ZFP62: variants seen among roughly 807,000 people sequenced by gnomAD.
ZFP62 encodes ZFP62 zinc finger protein.
Under a neutral mutation model 56.4 loss-of-function variants are expected in ZFP62, and 44 were observed. The ratio of observed to expected loss-of-function variants is 0.78; its 90% CI spans 0.61 to 1.00. The LOEUF is 1.00. Ranked by LOEUF, ZFP62 falls within the 50% of genes least tolerant of loss-of-function variation. The pLI, the probability that ZFP62 is intolerant of heterozygous loss-of-function variation, is 0.00. For missense variants in ZFP62, 1,030 were observed against 1,085.7 expected (o/e 0.95, Z 0.72); for synonymous variants, 421 against 388.9 (o/e 1.08, Z -0.97).
chr5:180,839,463 C>G, the ZFP62 span, among the ~76,000 whole-genome samples: 4 of 152,170 alleles, frequency 2.6e-5, no homozygotes, highest in Admixed American at 2.6e-4. Context: ...TTTGCAGCAA[C>G]ATGAGTGGAG....
At chr5:180,857,508 TG>T (rs1268539947) in intron 1 of ZFP62, among the ~76,000 whole-genome samples, 2 of 152,192 alleles carry the variant, frequency 1.3e-5, no homozygotes, top group Admixed American at 6.5e-5. Flanking sequence ...TTTTTTTTGT[TG>T]TTTTTTTGAG....
intron 1 of ZFP62, among the ~76,000 whole-genome samples, chr5:180,858,848 T>C (rs1380929103): frequency 1.3e-5 from 2 of 152,192 alleles, no homozygotes; most frequent in Non-Finnish European, 2.9e-5. Context: ...GGACAAGCCC[T>C]TTCTAACCAG....
Position 180,849,617 on chromosome 5 carries a change from A to G in ZFP62, c.1878T>C (p.Phe626=), listed in dbSNP as rs1447740354. 3.9e-6 allele frequency: 6 copies of G among 1,551,730 alleles called. No homozygotes were observed. Among genetic ancestry groups the G allele is most frequent in the Non-Finnish European group, 5.2e-6 (6 of 1,146,992 alleles). ...GCTGAGAAAGGAGCGATGTGTAATT[A>G]AAAGATTTCTCACACACATCACATT... ...PYKCDVCEKS[F]NYTSLLSQHR... Residue 626 remains phenylalanine (F), a synonymous_variant, in exon 2 of 2, where the codon TTT becomes TTC. Transcript: ENST00000502412.
At chr5:180,833,478 C>CAAAAA in the ZFP62 span, among the ~76,000 whole-genome samples, 10 of 76,742 alleles carry the variant, frequency 1.3e-4, no homozygotes, top group African/African-American at 4.0e-4. Context: ...AACTCTGTCT[C>CAAAAA]AAAAAAAAAA....
Position 180,849,392 on chromosome 5 carries a change from A to G in ZFP62, c.2103T>C (p.His701=). 1 of 1,551,164 alleles carries G rather than the reference A, an allele frequency of 6.4e-7. No homozygotes were observed. Among genetic ancestry groups the G allele is most frequent in the Non-Finnish European group, 8.7e-7 (1 of 1,146,622 alleles). The change falls in exon 2 of 2, where the codon CAT becomes CAC. Residue 701 remains histidine, a synonymous_variant. Transcript: ENST00000502412. ...HKSTHPGRTP[H]TCDECGKAFF... ...AAGCTTTTCCACATTCATCACATGTATGGGGTGTCCTGCCAGGGTGGGTAC... is the reference window on the plus strand; with the variant it reads ...AAGCTTTTCCACATTCATCACATGTGTGGGGTGTCCTGCCAGGGTGGGTAC...
chr5:180,829,029 T>G, the ZFP62 span, among the ~76,000 whole-genome samples: 1 of 152,208 alleles, frequency 6.6e-6, no homozygotes, highest in Admixed American at 6.5e-5. Context: ...GGAAACTCCA[T>G]CCTGGTAAAT....
Position 180,849,305 on chromosome 5 carries a change from C to G in ZFP62, c.2190G>C (p.Lys730Asn). The change falls in exon 2 of 2, where the codon AAG becomes AAC. Residue 730 changes from lysine (K) to asparagine (N), a missense_variant. Transcript: ENST00000502412. The part of the protein sequence containing the change: ...KRVHLGEKPF[K>N]CVECGKSFSY... ...TGAAAGATTTCCCACACTCAACACA[C>G]TTGAAGGGTTTCTCCCCAAGATGGA... The G allele has an allele frequency of 6.4e-7, 1 of 1,552,316 alleles. No individual in the cohort carries two copies. Among genetic ancestry groups the G allele is most frequent in the South Asian group, 1.2e-5 (1 of 84,068 alleles).
At position 180,848,412 on chromosome 5, in the gene ZFP62, T is replaced by C. The variant is rs1773496032; in HGVS notation, c.*380A>G. 2.0e-6 allele frequency: 2 copies of C among 1,000,734 alleles called. No individual in the cohort carries two copies. The highest frequency in any genetic ancestry group is 2.4e-6 in the Non-Finnish European group (2 of 839,946). The allele number at this position is 1,000,734 out of a possible 1,614,324, so 62.0% of individuals were successfully genotyped here. ...GATTCAAAGCTATACCTGAATTTCC[T>C]ACATTTCTAGTAACAGAATTTACCA... On this transcript the variant is annotated 3_prime_UTR_variant, in exon 2 of 2. Transcript: ENST00000502412.
At chr5:180,827,515 C>T in the ZFP62 span, among the ~76,000 whole-genome samples, 1 of 151,924 alleles carries the variant, frequency 6.6e-6, no homozygotes, top group African/African-American at 2.4e-5. Flanking sequence ...CCTTAAGAGT[C>T]ATCACCACTC....
At chr5:180,857,397 A>G (rs1774045584) in intron 1 of ZFP62, among the ~76,000 whole-genome samples, 1 of 152,256 alleles carries the variant, frequency 6.6e-6, no homozygotes, top group African/African-American at 2.4e-5. Flanking sequence ...AACAGTCCAC[A>G]AGCCCAGCAG....
chr5:180,834,039 A>G, the ZFP62 span, among the ~76,000 whole-genome samples: 1 of 152,122 alleles, frequency 6.6e-6, no homozygotes, highest in East Asian at 1.9e-4. Flanking sequence ...GTCTGCCCCC[A>G]AAGTTTCTAT....
At chr5:180,841,270 T>C in the ZFP62 span, among the ~76,000 whole-genome samples, 4,149 of 137,138 alleles carry the variant, frequency 0.03, 79 homozygotes, top group Non-Finnish European at 0.041. Flanking sequence ...CACACACACA[T>C]ATATATATAC....
At position 180,848,721 on chromosome 5, in the gene ZFP62, C is replaced by T. The variant is rs190771865; in HGVS notation, c.*71G>A. The T allele has an allele frequency of 6.9e-7, 1 of 1,450,140 alleles. No individual in the cohort carries two copies. Among genetic ancestry groups the T allele is most frequent in the African/African-American group, 1.4e-5 (1 of 69,838 alleles). 89.8% of individuals were successfully genotyped at this position (1,450,140 alleles called of 1,614,324 possible). A position where few individuals can be genotyped will look rare whatever the true frequency, so the allele number is the denominator to read the frequency against. ...ACACTGTGTAAATTACAAGCCATGA[C>T]CCCCTACATTCTTACATTCATAAGG... is the stretch of plus-strand genomic sequence containing the variant. On this transcript the variant is annotated 3_prime_UTR_variant, in exon 2 of 2. Transcript: ENST00000502412.
chr5:180,860,775 C>T (rs1268403105), intron 1 of ZFP62: 1 of 180,540 alleles, frequency 5.5e-6, no homozygotes, highest in Non-Finnish European at 1.1e-5. Context: ...TCTCTGCCCT[C>T]GCAATCACTC....
At chr5:180,847,488 T>TA, downstream of ZFP62, 1 of 670,560 alleles carries the variant, frequency 1.5e-6, no homozygotes, top group African/African-American at 2.0e-5. Context: ...TGAAACCAGC[T>TA]GAGCTGCTAG....
chr5:180,834,541 G>C, the ZFP62 span: 1 of 152,240 alleles, frequency 6.6e-6, no homozygotes, highest in Admixed American at 6.5e-5. Context: ...TCAGAAAGCG[G>C]GTGGACCCTC....
In ZFP62 at chr5:180,850,247, AG is replaced by A; in HGVS notation, c.1247del (p.Pro416LeufsTer162). ...SGLAVHKSIH[P>X]GKKAHECKEC... ...CCTTACATTCATGGGCTTTCTTCCCAGGGTGAATGCTTTTATGGACTGCGAG... is the reference window on the plus strand; with the variant it reads ...CCTTACATTCATGGGCTTTCTTCCCAGGTGAATGCTTTTATGGACTGCGAG... On this transcript the variant is annotated frameshift_variant, in exon 2 of 2. Transcript: ENST00000502412. LOFTEE classifies it high-confidence loss of function. The A allele has an allele frequency of 6.4e-7, 1 of 1,554,314 alleles. No individual in the cohort carries two copies. The highest frequency in any genetic ancestry group is 8.7e-7 in the Non-Finnish European group (1 of 1,148,606).
chr5:180,855,104 G>A (rs1282558334), intron 1 of ZFP62, among the ~76,000 whole-genome samples: 1 of 152,196 alleles, frequency 6.6e-6, no homozygotes, highest in Non-Finnish European at 1.5e-5. Context: ...GGGCCATGAT[G>A]TATATAATTA....
In ZFP62 at chr5:180,849,858, G is replaced by A. The variant is rs1581961749; in HGVS notation, c.1637C>T (p.Ser546Phe). The A allele has an allele frequency of 2.6e-6, 4 of 1,551,766 alleles. No homozygotes were observed. The highest frequency in any genetic ancestry group is 1.4e-5 in the African/African-American group (1 of 73,142). The change falls in exon 2 of 2, where the codon TCT becomes TTT. Residue 546 changes from serine to phenylalanine, a missense_variant. By Grantham distance (155) the Ser-to-Phe change is radical. Transcript: ENST00000502412. ...DECGKAFRNN[S>F]GLKVHKRIHT... ...GATTCGTTTATGTACTTTAAGGCCA[G>A]AATTATTTCTGAAAGCTTTACCACA... is the stretch of plus-strand genomic sequence containing the variant.
Sources: allele counts gnomAD v4.1 joint callset (sites outside exome capture counted in the v4.1 genomes callset), GRCh38; gene constraint gnomAD v4.1.1; transcripts MANE v1.5; gene names NCBI Gene and HGNC (gene_info 2026-07-23, HGNC 2026-07-21).